Variants in PHF24 observed in about 807,000 individuals in gnomAD.
The protein encoded by PHF24 is PHD finger protein 24, also known as Galpha inhibitory interacting protein.
A neutral mutation model predicts 42.6 loss-of-function variants in PHF24; 25 were observed. The ratio of observed to expected loss-of-function variants is 0.59; its 90% confidence interval spans 0.43 to 0.82. The LOEUF is 0.82. Among genes scored for constraint, PHF24 ranks in the 40% least tolerant of loss-of-function variants. The pLI is 0.00. For missense variants in PHF24, 470 were observed against 538.1 expected, an observed-to-expected ratio of 0.87 and a Z score of 1.25; for synonymous variants, 185 against 204.8, an observed-to-expected ratio of 0.90 and a Z score of 0.83.
chr9:34,851,678 C>A, the PHF24 span, among the ~76,000 whole-genome samples: 1 of 152,170 alleles, frequency 6.6e-6, no homozygotes, highest in Non-Finnish European at 1.5e-5. Context: ...ATGCAGAAAT[C>A]ACCTGTCTTC....
the PHF24 span, chr9:34,710,246 C>T: frequency 1.6e-6 from 1 of 612,470 alleles, no homozygotes; most frequent in South Asian, 2.0e-5. Context: ...CACCCAGCCC[C>T]ACTTATCTCA....
the PHF24 span, among the ~76,000 whole-genome samples, chr9:34,796,164 C>T: frequency 6.6e-6 from 1 of 151,974 alleles, no homozygotes; most frequent in South Asian, 2.1e-4. Context: ...TACATGTGGT[C>T]ATCCATATGC....
chr9:34,773,286 G>T, the PHF24 span, among the ~76,000 whole-genome samples: 1 of 152,140 alleles, frequency 6.6e-6, no homozygotes, highest in African/African-American at 2.4e-5. Flanking sequence ...CACCGTGCCC[G>T]GCCCAGAGTT....
chr9:34,952,811 T>C (rs566920990), upstream of PHF24, among the ~76,000 whole-genome samples: 12 of 152,296 alleles, frequency 7.9e-5, no homozygotes, highest in East Asian at 2.3e-3. Flanking sequence ...AATTTGGACA[T>C]ATGCAAATAC....
chr9:34,836,033 C>T, the PHF24 span: 62 of 633,626 alleles, frequency 9.8e-5, no homozygotes, highest in Non-Finnish European at 1.5e-4. Context: ...ACACTTCCCT[C>T]TGGGGGAAGC....
the PHF24 span, among the ~76,000 whole-genome samples, chr9:34,850,755 G>C: frequency 6.6e-6 from 1 of 152,160 alleles, no homozygotes; most frequent in African/African-American, 2.4e-5. Flanking sequence ...CTTTGATGAT[G>C]GTGATGGACA....
At chr9:34,707,296 C>G in the PHF24 span, among the ~76,000 whole-genome samples, 2 of 152,122 alleles carry the variant, frequency 1.3e-5, no homozygotes, top group African/African-American at 4.8e-5. Flanking sequence ...CACTCACTGG[C>G]GAGACTGATG....
At chr9:34,755,674 C>G in the PHF24 span, among the ~76,000 whole-genome samples, 5 of 151,950 alleles carry the variant, frequency 3.3e-5, no homozygotes, top group East Asian at 7.7e-4. Flanking sequence ...GAGACAGGGT[C>G]TTGCTCTGTT....
chr9:34,976,441 TG>T, intron 4 of PHF24, 93 bp from the exon 5 acceptor site: 1 of 1,296,350 alleles, frequency 7.7e-7, no homozygotes, highest in Non-Finnish European at 1.1e-6. Flanking sequence ...GCAAGAGCTG[TG>T]GGTTTGGGGG....
At chr9:34,726,513 T>A in the PHF24 span, 7 of 1,551,682 alleles carry the variant, frequency 4.5e-6, no homozygotes, top group Non-Finnish European at 6.1e-6. Flanking sequence ...TGGACAAGGC[T>A]GGGGTTGCTC....
the PHF24 span, among the ~76,000 whole-genome samples, chr9:34,823,202 C>CAAA: frequency 1.0e-4 from 6 of 58,630 alleles, no homozygotes; most frequent in East Asian, 8.0e-4. Context: ...GACTCCGTCT[C>CAAA]AAAAAAAAAA....
At chr9:34,854,105 TGTG>T in the PHF24 span, among the ~76,000 whole-genome samples, 1 of 151,922 alleles carries the variant, frequency 6.6e-6, no homozygotes, top group South Asian at 2.1e-4. Flanking sequence ...TTTGTATTTC[TGTG>T]GGGTCAGTGG....
chr9:34,864,267 A>G, the PHF24 span, among the ~76,000 whole-genome samples: 1 of 152,238 alleles, frequency 6.6e-6, no homozygotes, highest in African/African-American at 2.4e-5. Flanking sequence ...TCCCAAACCT[A>G]GAGAAGGATA....
the PHF24 span, among the ~76,000 whole-genome samples, chr9:34,930,411 G>T: frequency 1.3e-5 from 2 of 152,188 alleles, no homozygotes; most frequent in African/African-American, 4.8e-5. Flanking sequence ...GAGTGCAGAA[G>T]CCTCTTCACT....
chr9:34,975,380 T>C (rs1364880429), intron 3 of PHF24, among the ~76,000 whole-genome samples: 2 of 152,192 alleles, frequency 1.3e-5, no homozygotes, highest in Non-Finnish European at 2.9e-5. Flanking sequence ...TTTTAAAAAG[T>C]GTTATGGAAG....
At position 34,959,567 on chromosome 9, in the gene PHF24, G is replaced by A. The variant is rs542696618; in HGVS notation, c.-5+1166G>A. Among the ~76,000 whole-genome samples the A allele has an allele frequency of 7.0e-4, 106 of 152,358 alleles. No individual in the cohort carries two copies. In the South Asian group the frequency reaches 0.017, roughly 24 times the overall value. On this transcript the variant is annotated intron_variant, in intron 1 of 7. Coordinates refer to ENST00000242315, the Ensembl canonical transcript of PHF24. The stretch of plus-strand genomic sequence containing the variant: ...TGCCTGCCGAGCATAGGGTTTTGCA[G>A]TGGTACAAGCTCAGTAAATGTGATG...
the PHF24 span, among the ~76,000 whole-genome samples, chr9:34,766,531 A>C: frequency 6.6e-6 from 1 of 152,100 alleles, no homozygotes; most frequent in African/African-American, 2.4e-5. Context: ...ATAGTTCTCG[A>C]GCCTTGGCTT....
chr9:34,670,113 A>G, the PHF24 span, among the ~76,000 whole-genome samples: 21 of 152,222 alleles, frequency 1.4e-4, 1 homozygote, highest in Admixed American at 2.0e-4. Context: ...CTCCACAAGG[A>G]GAAACCACTG....
At chr9:34,733,712 A>C in the PHF24 span, among the ~76,000 whole-genome samples, 2 of 152,176 alleles carry the variant, frequency 1.3e-5, no homozygotes, top group African/African-American at 2.4e-5. Flanking sequence ...TGTGTTGTCC[A>C]GGATGGTTTT....
Sources: gnomAD v4.1 joint callset for allele counts (sites outside exome capture counted in the v4.1 genomes callset) on GRCh38, gnomAD v4.1.1 for gene constraint, MANE v1.5 for transcripts, NCBI Gene and HGNC (gene_info 2026-07-23, HGNC 2026-07-21) for gene names.